GADL1: variants seen among roughly 807,000 people sequenced by gnomAD.
GADL1 encodes GAD like acidic amino acid decarboxylase 1, also known as acidic amino acid decarboxylase GADL1.
A neutral mutation model predicts 69.5 loss-of-function variants in GADL1; 71 were observed. That is an observed-to-expected ratio of 1.02 (90% CI 0.84 to 1.25). The LOEUF (loss-of-function observed/expected upper bound fraction) is 1.25. Among genes scored for constraint, GADL1 ranks in the 50% most tolerant of loss-of-function variants. The pLI, the probability that GADL1 is intolerant of heterozygous loss-of-function variation, is 0.00. For missense variants in GADL1, 737 were observed against 631.8 expected (o/e 1.17, Z -1.79); for synonymous variants, 254 against 214.4 (o/e 1.18, Z -1.62).
intron 11 of GADL1, among the ~76,000 whole-genome samples, chr3:30,814,593 TA>T (rs2125514376): frequency 6.6e-6 from 1 of 152,276 alleles, no homozygotes; most frequent in South Asian, 2.1e-4. Context: ...AGGCCAGGTT[TA>T]ACCCAAGGGC....
intron 14 of GADL1, among the ~76,000 whole-genome samples, chr3:30,768,796 A>C (rs1036487196): frequency 4.6e-5 from 7 of 152,226 alleles, no homozygotes; most frequent in African/African-American, 1.4e-4. Flanking sequence ...GCAGAACCGG[A>C]TACCCTGACA....
intron 1 of GADL1, among the ~76,000 whole-genome samples, chr3:30,873,479 T>G (rs929830861): frequency 6.6e-6 from 1 of 151,910 alleles, no homozygotes; most frequent in Non-Finnish European, 1.5e-5. Context: ...TACCATATTC[T>G]CCTTTTTTCC....
At chr3:30,827,238 G>C (rs931820919) in intron 11 of GADL1, among the ~76,000 whole-genome samples, 6 of 151,168 alleles carry the variant, frequency 4.0e-5, no homozygotes, top group Admixed American at 4.0e-4. Flanking sequence ...CGATAGTGGT[G>C]AGTGAGACCC....
chr3:30,841,429 G>C (rs1350450355), intron 8 of GADL1, among the ~76,000 whole-genome samples: 1 of 152,010 alleles, frequency 6.6e-6, no homozygotes, highest in Non-Finnish European at 1.5e-5. Flanking sequence ...TAATGACTGT[G>C]GTGGAATAAA....
At chr3:30,804,241 C>A (rs189754583) in intron 11 of GADL1, among the ~76,000 whole-genome samples, 6 of 152,204 alleles carry the variant, frequency 3.9e-5, no homozygotes, top group Admixed American at 2.6e-4. Context: ...CTATTGTAGC[C>A]TATATTGGCC....
rs147081855 is a variant in GADL1 at position 30,788,429 on chromosome 3, C to T, written c.1251-2023G>A. On this transcript the variant is annotated intron_variant, in intron 12 of 14. Transcript: ENST00000282538. ...CTAAAAATACCTTATTGCTAAAAAGCGCTAAGGATTATCTGAGACTTCAGT... is the reference window on the plus strand; with the variant it reads ...CTAAAAATACCTTATTGCTAAAAAGTGCTAAGGATTATCTGAGACTTCAGT... Among the ~76,000 whole-genome samples the T allele has an allele frequency of 1.7e-3, 257 of 152,258 alleles. 2 individuals carry two copies. The highest frequency in any genetic ancestry group is 5.6e-3 in the African/African-American group (232 of 41,550).
At chr3:30,745,736 A>G (rs1367604440) in intron 14 of GADL1, among the ~76,000 whole-genome samples, 1 of 134,502 alleles carries the variant, frequency 7.4e-6, no homozygotes, top group Non-Finnish European at 1.6e-5. Flanking sequence ...CATAGTGACA[A>G]TTGTTGAGAT....
intron 1 of GADL1, among the ~76,000 whole-genome samples, chr3:30,877,145 GGTTA>G (rs1156752305): frequency 1.3e-5 from 2 of 151,828 alleles, no homozygotes; most frequent in Non-Finnish European, 2.9e-5. Context: ...GGATCAGAGA[GGTTA>G]GTTAACTCTA....
chr3:30,844,075 C>G, intron 8 of GADL1, 135 bp downstream of exon 8: 1 of 677,590 alleles, frequency 1.5e-6, no homozygotes, highest in Non-Finnish European at 2.6e-6. Flanking sequence ...CCAACATTCT[C>G]TCTCCTCTCT....
chr3:30,877,760 T>C, intron 1 of GADL1, among the ~76,000 whole-genome samples: 1 of 151,942 alleles, frequency 6.6e-6, no homozygotes, highest in Non-Finnish European at 1.5e-5. Context: ...ATTTGACTTT[T>C]GTCTGTTAAA....
At position 30,810,428 on chromosome 3, in the gene GADL1, T is replaced by TAG. The variant is rs1553640785; in HGVS notation, c.1051-9342_1051-9341dup. Among the ~76,000 whole-genome samples the TAG allele has an allele frequency of 2.6e-5, 4 of 152,168 alleles. No individual in the cohort carries two copies. In the East Asian group the frequency reaches 7.7e-4, roughly 29 times the overall value. On this transcript the variant is annotated intron_variant, in intron 11 of 14. Coordinates refer to ENST00000282538, the MANE Select transcript of GADL1 (RefSeq NM_207359.3). Reference sequence around the variant, plus strand: ...ATAGGTAGATATAGAGATATATATATAGAGAGAGAGATCTGTGTTTGTCTT... The same window carrying TAG: ...ATAGGTAGATATAGAGATATATATATAGAGAGAGAGAGATCTGTGTTTGTCTT...
intron 11 of GADL1, among the ~76,000 whole-genome samples, chr3:30,808,950 C>A (rs1346320440): frequency 6.6e-6 from 1 of 152,156 alleles, no homozygotes; most frequent in African/African-American, 2.4e-5. Context: ...TCTGTGTAAC[C>A]TCTGTTTTCC....
intron 12 of GADL1, among the ~76,000 whole-genome samples, chr3:30,787,685 T>C (rs998537251): frequency 6.6e-6 from 1 of 152,176 alleles, no homozygotes; most frequent in African/African-American, 2.4e-5. Flanking sequence ...ATCATAAATA[T>C]TCAACTAATA....
intron 9 of GADL1, among the ~76,000 whole-genome samples, chr3:30,836,373 C>G (rs1224303533): frequency 6.7e-6 from 1 of 148,286 alleles, no homozygotes; most frequent in Non-Finnish European, 1.5e-5. Context: ...GGGTTAGGAA[C>G]AGCTCATCCA....
intron 11 of GADL1, among the ~76,000 whole-genome samples, chr3:30,818,641 AT>A (rs780833414): frequency 1.4e-4 from 21 of 152,210 alleles, no homozygotes; most frequent in Non-Finnish European, 1.9e-4. Context: ...TATAAAAGCC[AT>A]TAATATAAGT....
At chr3:30,831,429 G>T (rs977653310) in intron 11 of GADL1, among the ~76,000 whole-genome samples, 5 of 151,860 alleles carry the variant, frequency 3.3e-5, no homozygotes, top group Non-Finnish European at 7.4e-5. Flanking sequence ...TATTAGACAA[G>T]GGTGCATTTG....
chr3:30,886,325 A>G (rs947998379), intron 1 of GADL1, among the ~76,000 whole-genome samples: 18 of 152,154 alleles, frequency 1.2e-4, no homozygotes, highest in African/African-American at 4.3e-4. Flanking sequence ...AAGAAGCAAT[A>G]TGGAGCCATT....
chr3:30,842,199 C>T (rs1697977795), intron 8 of GADL1, among the ~76,000 whole-genome samples: 1 of 151,778 alleles, frequency 6.6e-6, no homozygotes, highest in Non-Finnish European at 1.5e-5. Flanking sequence ...TTTAAAAGGG[C>T]AATGGGGAAA....
chr3:30,857,097 A>C lies in GADL1; in HGVS notation c.255T>G (p.Asp85Glu). The change falls in exon 3 of 15, where the codon GAT (aspartate) becomes GAG (glutamate). Residue 85 changes from aspartate (D) to glutamate (E), a missense_variant. Transcript: ENST00000282538. ...GCTCGCCTGAGTCTCTCATCTCCAA[A>C]TCAAGAAGCTGTTTCAGTTGTTCAG... ...RPPEQLKQLL[D>E]LEMRDSGEPP... is the part of the protein sequence containing the mutation. 1 of 1,550,166 alleles carries C rather than the reference A, an allele frequency of 6.5e-7. No homozygotes were observed. The highest frequency in any genetic ancestry group is 2.4e-5 in the East Asian group (1 of 40,866).
Sources: gnomAD v4.1 joint callset for allele counts (sites outside exome capture counted in the v4.1 genomes callset) on GRCh38, gnomAD v4.1.1 for gene constraint, MANE v1.5 for transcripts, NCBI Gene and HGNC (gene_info 2026-07-23, HGNC 2026-07-21) for gene names.